C1S: variants seen among roughly 807,000 people sequenced by gnomAD.
The protein encoded by C1S is complement C1s.
A neutral mutation model predicts 54.0 loss-of-function variants in C1S; 31 were observed. The observed-to-expected ratio is 0.57, with a 90% confidence interval of 0.43 to 0.78. The LOEUF (loss-of-function observed/expected upper bound fraction) is 0.78, where lower values mean the gene tolerates loss of function less well. Ranked by LOEUF, C1S falls within the 30% of genes least tolerant of loss-of-function variation. C1S has a pLI of 0.00. For missense variants in C1S, 727 were observed against 851.8 expected (o/e 0.85, Z 1.82); for synonymous variants, 292 against 303.6 (o/e 0.96, Z 0.40).
chr12:7,061,589 T>G, intron 1 of C1S: 1 of 442,152 alleles, frequency 2.3e-6, no homozygotes, highest in East Asian at 4.5e-5. Flanking sequence ...AGTACTCGAT[T>G]CCTTTGGAGA....
intron 6 of C1S, chr12:7,065,557 A>G (rs964864323): frequency 1.5e-5 from 9 of 607,542 alleles, no homozygotes; most frequent in Non-Finnish European, 1.7e-5. Context: ...TTTTACAGAG[A>G]TGGGGTTTTG....
At position 7,065,849 on chromosome 12, in the gene C1S, C is replaced by T. The variant is rs1182171879; in HGVS notation, c.750C>T (p.Tyr250=). The T allele has an allele frequency of 4.3e-6, 7 of 1,612,770 alleles. No homozygotes were observed. The highest frequency in any genetic ancestry group is 1.3e-5 in the African/African-American group (1 of 74,142). The change falls in exon 7 of 12, where the codon TAC becomes TAT. Residue 250 remains tyrosine (Y), a synonymous_variant. Coordinates refer to ENST00000360817, the MANE Select transcript of C1S (RefSeq NM_001734.5). ...CAGGAGATCGGCAATTTGGTCCTTACTGTGGTCATGGATTCCCTGGGCCTC... is the reference window on the plus strand; with the variant it reads ...CAGGAGATCGGCAATTTGGTCCTTATTGTGGTCATGGATTCCCTGGGCCTC... ...FVAGDRQFGP[Y]CGHGFPGPLN...
Position 7,070,522 on chromosome 12 carries a change from A to T in C1S, c.1938A>T (p.Lys646Asn). 6.2e-7 allele frequency: 1 copy of T among 1,613,866 alleles called. No individual in the cohort carries two copies. The highest frequency in any genetic ancestry group is 8.5e-7 in the Non-Finnish European group (1 of 1,179,870). The change falls in exon 12 of 12, where the codon AAA becomes AAT. Residue 646 changes from lysine (K) to asparagine (N), a missense_variant. This residue lies in a region of C1S where 360 missense variants were observed against 453.6 expected (regional missense o/e 0.79). Coordinates refer to ENST00000360817, the MANE Select transcript of C1S (RefSeq NM_001734.5). This position sits in a 1 kb window ranked among gnomAD's most constrained non-coding sequence, Gnocchi z 4.9. The part of the protein sequence containing the change: ...FAVQDPNDKT[K>N]FYAAGLVSWG... ...TACAGGATCCCAATGACAAGACCAA[A>T]TTCTACGCAGCTGGCCTGGTGTCCT...
In C1S at chr12:7,069,867, C is replaced by T. The variant is rs149869489; in HGVS notation, c.1283C>T (p.Pro428Leu). 1.2e-5 allele frequency: 19 copies of T among 1,613,460 alleles called. No homozygotes were observed. Among genetic ancestry groups the T allele is most frequent in the Non-Finnish European group, 1.5e-5 (18 of 1,179,486 alleles). ...TATTCCTTCCTAGTCTGTGGAGTCC[C>T]CAGAGAACCCTTTGAAGAAAAACAG... ...LPKCVPVCGV[P>L]REPFEEKQRI... is the part of the protein sequence containing the mutation. Residue 428 changes from proline (P) to leucine (L), a missense_variant, in exon 12 of 12, where the codon CCC becomes CTC. Transcript: ENST00000360817.
intron 11 of C1S, 41 bp from the exon 12 acceptor site, chr12:7,069,813 TC>T: frequency 6.6e-7 from 1 of 1,519,612 alleles, no homozygotes; most frequent in Non-Finnish European, 9.1e-7. Flanking sequence ...GAAGCCAGCA[TC>T]ATTTCTTCCT....
Position 7,065,426 on chromosome 12 carries a change from G to C in C1S, c.717+127G>C, listed in dbSNP as rs186525506. 6.2e-5 allele frequency: 47 copies of C among 754,262 alleles called. No individual in the cohort carries two copies. In the East Asian group the frequency reaches 1.0e-3, roughly 17 times the overall value. 46.7% of individuals were successfully genotyped at this position (754,262 alleles called of 1,614,324 possible). A position where few individuals can be genotyped will look rare whatever the true frequency, so the allele number is the denominator to read the frequency against. On this transcript the variant is annotated intron_variant, in intron 6 of 11. Transcript: ENST00000360817. ...GCTGGAGTGCAGTGGTGCAATCACA[G>C]CTCACTGTAGCCTTGATCTCTTGGG...
chr12:7,062,169 G>A lies in C1S; in HGVS notation c.5+252G>A, dbSNP rs117222463. 5,247 of 575,884 alleles carry A rather than the reference G, an allele frequency of 9.1e-3. 200 individuals carry two copies. In the East Asian group the frequency reaches 0.095, roughly 10 times the overall value. 35.7% of individuals were successfully genotyped at this position (575,884 alleles called of 1,614,324 possible). ...ACCTGTGGTCCCTGCTACTCAAAAG[G>A]CTGAGGTGGTAGAATCACTTGAGCG... On this transcript the variant is annotated intron_variant, in intron 2 of 11. Coordinates refer to ENST00000360817, the MANE Select transcript of C1S (RefSeq NM_001734.5).
intron 8 of C1S, 37 bp downstream of exon 8, chr12:7,066,670 C>A: frequency 8.1e-7 from 1 of 1,241,776 alleles, no homozygotes; most frequent in Non-Finnish European, 1.2e-6. Flanking sequence ...AGTCCCTGGC[C>A]CCAGATCAGG....
chr12:7,070,052 A>G lies in C1S; in HGVS notation c.1468A>G (p.Thr490Ala). 1.9e-6 allele frequency: 3 copies of G among 1,614,114 alleles called. No individual in the cohort carries two copies. In the South Asian group the frequency reaches 3.3e-5, roughly 18 times the overall value. ...GGAGCCAACAATGTATGTTGGGTCC[A>G]CCTCAGTGCAGACCTCACGGCTGGC... ...NREPTMYVGS[T>A]SVQTSRLAKS... Residue 490 changes from threonine (T) to alanine (A), a missense_variant, in exon 12 of 12, where the codon ACC (threonine) becomes GCC (alanine). Thr to Ala is a moderately conservative substitution (Grantham distance 58). Transcript: ENST00000360817. This position sits in a 1 kb window ranked among gnomAD's most constrained non-coding sequence, Gnocchi z 4.9.
chr12:7,068,452 C>T lies in C1S; in HGVS notation c.1196-4C>T. On this transcript the variant is annotated splice_region_variant and splice_polypyrimidine_tract_variant and intron_variant, in intron 10 of 11. Coordinates refer to ENST00000360817, the MANE Select transcript of C1S (RefSeq NM_001734.5). The stretch of plus-strand genomic sequence containing the variant: ...TGTGGCCTGTGTTCTCTGTGCTATT[C>T]CAGGGGAGTATCACTGTGCTGGTAA... 6.2e-7 allele frequency: 1 copy of T among 1,609,876 alleles called. No individual in the cohort carries two copies. The highest frequency in any genetic ancestry group is 1.1e-5 in the South Asian group (1 of 90,996).
At position 7,066,580 on chromosome 12, in the gene C1S, G is replaced by A. The variant is rs147147059; in HGVS notation, c.934G>A (p.Val312Ile). 3.1e-4 allele frequency: 498 copies of A among 1,614,086 alleles called. 2 individuals are homozygous for A. The African/African-American group carries it at 5.7e-3, about 18-fold the overall frequency. ...TTGGGAGCCTGCGAAGGCAAAATAT[G>A]TCTTTAGAGATGTGGTGCAGATAAC... ...SVWEPAKAKYVFRDVVQITCL... is the reference protein window; with the variant it reads ...SVWEPAKAKYIFRDVVQITCL... Residue 312 changes from valine (V) to isoleucine (I), a missense_variant, in exon 8 of 12, where the codon GTC becomes ATC. Val to Ile is a conservative substitution (Grantham distance 29). Around this residue, in one of 3 missense-constraint regions of C1S, gnomAD observed 10 missense variants for 32.8 expected, o/e 0.30. Coordinates refer to ENST00000360817, the MANE Select transcript of C1S (RefSeq NM_001734.5).
chr12:7,065,348 C>T (rs781917186), intron 6 of C1S, 49 bp downstream of exon 6: 2 of 1,460,236 alleles, frequency 1.4e-6, no homozygotes, highest in Non-Finnish European at 1.9e-6. Flanking sequence ...ACAGAGAGAT[C>T]TCTCCCTGAA....
chr12:7,065,988 G>T lies in C1S; in HGVS notation c.871+18G>T, dbSNP rs782546012. 12 of 1,611,930 alleles carry T rather than the reference G, an allele frequency of 7.4e-6. No homozygotes were observed. Among genetic ancestry groups the T allele is most frequent in the Non-Finnish European group, 9.3e-6 (11 of 1,178,180 alleles). On this transcript the variant is annotated intron_variant, in intron 7 of 11. Coordinates refer to ENST00000360817, the MANE Select transcript of C1S (RefSeq NM_001734.5). ...TGGAGATCGTGAGTAACTTAGAAGT[G>T]CCTCTTTGGTTGGTGATACCAAAGT...
At chr12:7,062,286 A>AAAAAT in intron 2 of C1S, 189 bp from the exon 3 acceptor site, 1 of 563,166 alleles carries the variant, frequency 1.8e-6, no homozygotes, top group Non-Finnish European at 3.2e-6. Flanking sequence ...AAAAAAAAAA[A>AAAAAT]GGGCTCTTGT....
rs781969688 is a variant in C1S at position 7,066,591 on chromosome 12, T to C, written c.945T>C (p.Asp315=). The stretch of plus-strand genomic sequence containing the variant: ...CGAAGGCAAAATATGTCTTTAGAGA[T>C]GTGGTGCAGATAACCTGTCTGGATG... The part of the protein sequence containing the change: ...EPAKAKYVFR[D]VVQITCLDGF... Residue 315 remains aspartate, a synonymous_variant, in exon 8 of 12, where the codon GAT becomes GAC. Coordinates refer to ENST00000360817, the MANE Select transcript of C1S (RefSeq NM_001734.5). 2 of 1,613,918 alleles carry C rather than the reference T, an allele frequency of 1.2e-6. No individual in the cohort carries two copies. The highest frequency in any genetic ancestry group is 1.1e-5 in the South Asian group (1 of 91,084).
Position 7,070,702 on chromosome 12 carries a change from T to C in C1S, c.*51T>C, listed in dbSNP as rs1437546541. 3 of 1,333,050 alleles carry C rather than the reference T, an allele frequency of 2.3e-6. No homozygotes were observed. Among genetic ancestry groups the C allele is most frequent in the African/African-American group, 2.9e-5 (2 of 69,344 alleles). 82.6% of individuals were successfully genotyped at this position (1,333,050 alleles called of 1,614,324 possible). The stretch of plus-strand genomic sequence containing the variant: ...CAAGGGTGGTGACCAATGCATTACC[T>C]TCTGTTCCTTATGATATTCTCATTA... On this transcript the variant is annotated 3_prime_UTR_variant, in exon 12 of 12. Transcript: ENST00000360817. This position sits in a 1 kb window ranked among gnomAD's most constrained non-coding sequence, Gnocchi z 4.9.
In C1S at chr12:7,065,221, A is replaced by G. The variant is rs781783685; in HGVS notation, c.639A>G (p.Gln213=). The G allele has an allele frequency of 8.8e-5, 142 of 1,614,024 alleles. No homozygotes were observed. The highest frequency in any genetic ancestry group is 1.2e-4 in the Non-Finnish European group (140 of 1,179,992). Residue 213 remains glutamine, a synonymous_variant, in exon 6 of 12, where the codon CAA becomes CAG. Transcript: ENST00000360817. ...AGATCCGGTTGGAGAAAGGGTTCCAAGTGGTGGTGACCTTGCGGAGAGAAG... is the reference window on the plus strand; with the variant it reads ...AGATCCGGTTGGAGAAAGGGTTCCAGGTGGTGGTGACCTTGCGGAGAGAAG... ...EYQIRLEKGF[Q]VVVTLRREDF... is the part of the protein sequence containing the mutation.
rs782450565 is a variant in C1S at position 7,064,290 on chromosome 12, G to T, written c.415G>T (p.Val139Leu). 9.3e-6 allele frequency: 15 copies of T among 1,613,914 alleles called. No homozygotes were observed. The highest frequency in any genetic ancestry group is 1.2e-5 in the Non-Finnish European group (14 of 1,179,934). ...ATDINECTDF[V>L]DVPCSHFCNN... ...AGACATAAATGAATGCACAGATTTT[G>T]TAGATGTCCCTTGTAGCCACTTCTG... The change falls in exon 5 of 12, where the codon GTA becomes TTA. Residue 139 changes from valine (V) to leucine (L), a missense_variant. Coordinates refer to ENST00000360817, the MANE Select transcript of C1S (RefSeq NM_001734.5).
chr12:7,062,795 G>C (rs1555161448), intron 3 of C1S, 95 bp from the exon 4 acceptor site: 8 of 1,511,462 alleles, frequency 5.3e-6, no homozygotes, highest in Non-Finnish European at 7.3e-6. Context: ...TCAAGTCCTA[G>C]TGGCATAAAT....
Sources: gnomAD v4.1 joint callset for allele counts on GRCh38, gnomAD v4.1.1 for gene constraint, gnomAD v4.1.1 regional missense constraint, Gnocchi (gnomAD v3.1) non-coding constraint, MANE v1.5 for transcripts, NCBI Gene and HGNC (gene_info 2026-07-23, HGNC 2026-07-21) for gene names.